Variants in COPZ2 observed in about 807,000 individuals in gnomAD.
COPZ2 encodes coat protein complex I subunit zeta 2, also known as coatomer subunit zeta-2.
Under a neutral mutation model 33.2 loss-of-function variants are expected in COPZ2, and 30 were observed. That is an observed-to-expected ratio of 0.90 (90% CI 0.68 to 1.23). COPZ2 has a LOEUF of 1.23. Among genes scored for constraint, COPZ2 ranks in the 50% most tolerant of loss-of-function variants. COPZ2 has a pLI of 0.00. For missense variants in COPZ2, 263 were observed against 262.4 expected, an observed-to-expected ratio of 1.00 and a Z score of -0.02; for synonymous variants, 89 against 102.6, an observed-to-expected ratio of 0.87 and a Z score of 0.80.
At chr17:48,042,595 G>A (rs1422273817), upstream of COPZ2, among the ~76,000 whole-genome samples, 1 of 152,166 alleles carries the variant, frequency 6.6e-6, no homozygotes, top group Admixed American at 6.5e-5. Context: ...CCAAGTAGCA[G>A]GGATTACAGG....
At chr17:48,038,571 C>T (rs958094980), upstream of COPZ2, among the ~76,000 whole-genome samples, 5 of 152,196 alleles carry the variant, frequency 3.3e-5, no homozygotes, top group African/African-American at 1.2e-4. Flanking sequence ...ACATTTGACA[C>T]CTTCACATCC....
At chr17:48,029,972 A>G (rs1598258073) in intron 6 of COPZ2, among the ~76,000 whole-genome samples, 1 of 143,960 alleles carries the variant, frequency 6.9e-6, no homozygotes, top group Non-Finnish European at 1.5e-5. Context: ...TGTCTAAAAA[A>G]AAAAAATTTT....
In COPZ2 at chr17:48,037,208, C is replaced by G. The variant is rs775035967; in HGVS notation, c.112-283G>C. The G allele has an allele frequency of 9.0e-6, 6 of 666,136 alleles. No individual in the cohort carries two copies. The highest frequency in any genetic ancestry group is 1.7e-5 in the Non-Finnish European group (6 of 350,674). 41.3% of individuals were successfully genotyped at this position (666,136 alleles called of 1,614,324 possible). On this transcript the variant is annotated intron_variant, in intron 1 of 8. Transcript: ENST00000621465. This position sits in a 1 kb window ranked among gnomAD's most constrained non-coding sequence, Gnocchi z 5.6. ...GTCATGCACTGACTGCTCCAGAGCCCGAGTCGGAGTGTATCACAGAACCTG... is the reference window on the plus strand; with the variant it reads ...GTCATGCACTGACTGCTCCAGAGCCGGAGTCGGAGTGTATCACAGAACCTG...
the COPZ2 span, chr17:48,045,880 A>G: frequency 9.8e-5 from 15 of 152,304 alleles, no homozygotes; most frequent in African/African-American, 2.6e-4. Context: ...CTGGGTGAAG[A>G]AGGACACACC....
chr17:48,032,459 T>A (rs1197443524), intron 5 of COPZ2, among the ~76,000 whole-genome samples: 1 of 152,232 alleles, frequency 6.6e-6, no homozygotes, highest in African/African-American at 2.4e-5. Context: ...CCTCCCATAC[T>A]TTGGGCCTTG....
chr17:48,042,777 C>T (rs1462125667), upstream of COPZ2, among the ~76,000 whole-genome samples: 2 of 152,154 alleles, frequency 1.3e-5, no homozygotes, highest in African/African-American at 2.4e-5. Flanking sequence ...AATCTCTTTA[C>T]ATCTTAGTTT....
chr17:48,029,735 G>A (rs1179465153), intron 6 of COPZ2, among the ~76,000 whole-genome samples: 3 of 150,778 alleles, frequency 2.0e-5, no homozygotes, highest in African/African-American at 7.3e-5. Context: ...TTGGGAGGCC[G>A]AGGCGGGTGG....
At chr17:48,035,558 GCTAATT>G (rs2036967399) in intron 2 of COPZ2, among the ~76,000 whole-genome samples, 1 of 151,852 alleles carries the variant, frequency 6.6e-6, no homozygotes, top group African/African-American at 2.4e-5. Flanking sequence ...ACCACGCCCG[GCTAATT>G]TTCGTTTTTT....
chr17:48,039,714 A>G (rs1364248995), upstream of COPZ2, among the ~76,000 whole-genome samples: 1 of 152,168 alleles, frequency 6.6e-6, no homozygotes, highest in East Asian at 1.9e-4. Flanking sequence ...TGAGCCCTGC[A>G]AGAACCAATG....
At chr17:48,044,966 A>AT in the COPZ2 span, among the ~76,000 whole-genome samples, 1 of 151,532 alleles carries the variant, frequency 6.6e-6, no homozygotes, top group Admixed American at 6.6e-5. Flanking sequence ...TCTTTTTATT[A>AT]TTTTTTTTGA....
Position 48,037,327 on chromosome 17 carries a change from G to A in COPZ2, c.111+340C>T, listed in dbSNP as rs1040630410. ...TCAGCGCGCCCCCAGGCCCTGGCCC[G>A]GGTAGACTCCAGAAGCATGCCCATC... On this transcript the variant is annotated intron_variant, in intron 1 of 8. Coordinates refer to ENST00000621465, the MANE Select transcript of COPZ2 (RefSeq NM_016429.4). This position sits in a 1 kb window ranked among gnomAD's most constrained non-coding sequence, Gnocchi z 5.6. The A allele has an allele frequency of 3.9e-5, 17 of 430,608 alleles. No individual in the cohort carries two copies. The highest frequency in any genetic ancestry group is 3.0e-4 in the South Asian group (16 of 52,672). 26.7% of individuals were successfully genotyped at this position (430,608 alleles called of 1,614,324 possible).
At chr17:48,043,470 A>AG in the COPZ2 span, 2 of 964,884 alleles carry the variant, frequency 2.1e-6, no homozygotes, top group Non-Finnish European at 2.5e-6. Context: ...TAATGTCAAG[A>AG]GGGGGAGGTG....
chr17:48,026,270 A>G lies in COPZ2; in HGVS notation c.*158T>C, dbSNP rs963725836. On this transcript the variant is annotated 3_prime_UTR_variant, in exon 9 of 9. Transcript: ENST00000621465. Reference sequence around the variant, plus strand: ...AGAAAAGGTGACTCTCCTGAGGCCAAACCTTTGCATCTCAGAAGCCCTGGC... The same window carrying G: ...AGAAAAGGTGACTCTCCTGAGGCCAGACCTTTGCATCTCAGAAGCCCTGGC... The G allele has an allele frequency of 3.5e-5, 22 of 624,646 alleles. No individual in the cohort carries two copies. The highest frequency in any genetic ancestry group is 2.6e-4 in the African/African-American group (14 of 54,338). The allele number at this position is 624,646 out of a possible 1,614,324, so 38.7% of individuals were successfully genotyped here. A position where few individuals can be genotyped will look rare whatever the true frequency, so the allele number is the denominator to read the frequency against.
At chr17:48,045,037 C>T in the COPZ2 span, 1 of 152,128 alleles carries the variant, frequency 6.6e-6, no homozygotes, top group African/African-American at 2.4e-5. Flanking sequence ...GCTTACTGCA[C>T]CCTCAACCTC....
In COPZ2 at chr17:48,028,371, A is replaced by C; in HGVS notation, c.585+101T>G. The C allele has an allele frequency of 8.2e-7, 1 of 1,214,344 alleles. No homozygotes were observed. The highest frequency in any genetic ancestry group is 1.1e-6 in the Non-Finnish European group (1 of 877,608). The allele number at this position is 1,214,344 out of a possible 1,614,324, so 75.2% of individuals were successfully genotyped here. On this transcript the variant is annotated intron_variant, in intron 8 of 8. Transcript: ENST00000621465. The surrounding 1 kb of genome is among the most constrained non-coding windows in gnomAD (Gnocchi z 4.5). The stretch of plus-strand genomic sequence containing the variant: ...TCCCTTCTCACCCCTGATTTTTCAG[A>C]CTTGATAACTTCACTGGGTCCCCCT...
the COPZ2 span, chr17:48,043,498 G>T: frequency 2.0e-6 from 2 of 984,848 alleles, no homozygotes; most frequent in Non-Finnish European, 2.4e-6. Context: ...AATATGAGGC[G>T]TGGAAGTGTG....
At chr17:48,046,955 G>A in the COPZ2 span, 3 of 152,202 alleles carry the variant, frequency 2.0e-5, no homozygotes, top group Non-Finnish European at 2.9e-5. Flanking sequence ...CTTGAGTCCA[G>A]GAGTTCCAGT....
upstream of COPZ2, chr17:48,037,983 T>G: frequency 1.9e-6 from 1 of 528,258 alleles, no homozygotes; most frequent in Non-Finnish European, 2.4e-6. This position sits in a 1 kb window ranked among gnomAD's most constrained non-coding sequence, Gnocchi z 5.6. Flanking sequence ...CCTCCTTGGC[T>G]CCTTCCCGAG....
rs745634774 is a variant in COPZ2, at chr17:48,028,473, T to A, written c.584A>T (p.Gln195Leu). Reference sequence around the variant, plus strand: ...CAAGGCAGATGCAGGGGGGCCTACCTGGGCCACACTCTGTTCAGTCAAGCC... The same window carrying A: ...CAAGGCAGATGCAGGGGGGCCTACCAGGGCCACACTCTGTTCAGTCAAGCC... ...DGGLTEQSVA[Q>L]VLQSAKEQIK... The change falls in exon 8 of 9, where the codon CAG becomes CTG. Residue 195 changes from glutamine (Q) to leucine (L), a missense_variant and splice_region_variant. Coordinates refer to ENST00000621465, the MANE Select transcript of COPZ2 (RefSeq NM_016429.4). This position sits in a 1 kb window ranked among gnomAD's most constrained non-coding sequence, Gnocchi z 4.5. 9.3e-6 allele frequency: 15 copies of A among 1,609,146 alleles called. No individual in the cohort carries two copies. Among genetic ancestry groups the A allele is most frequent in the Non-Finnish European group, 1.3e-5 (15 of 1,177,882 alleles).
Sources: allele counts gnomAD v4.1 joint callset (sites outside exome capture counted in the v4.1 genomes callset), GRCh38; gene constraint gnomAD v4.1.1; non-coding constraint Gnocchi (gnomAD v3.1); transcripts MANE v1.5; gene names NCBI Gene and HGNC (gene_info 2026-07-23, HGNC 2026-07-21).